SAMD12: variants seen among roughly 807,000 people sequenced by gnomAD.
SAMD12 encodes sterile alpha motif domain containing 12, also known as sterile alpha motif domain-containing protein 12.
In SAMD12, 9 loss-of-function variants were observed where a neutral mutation model predicts 15.0. The observed-to-expected ratio is 0.60, with a 90% confidence interval of 0.36 to 1.05. The LOEUF (loss-of-function observed/expected upper bound fraction) is 1.05. SAMD12 is among the 50% of genes least tolerant of loss of function. The pLI, the probability that SAMD12 is intolerant of heterozygous loss-of-function variation, is 0.01. For missense variants in SAMD12, 230 were observed against 234.2 expected (o/e 0.98, Z 0.12); for synonymous variants, 86 against 90.1 (o/e 0.96, Z 0.25).
chr8:118,255,358 TTTA>T (rs1812911434), intron 4 of SAMD12, among the ~76,000 whole-genome samples: 1 of 151,840 alleles, frequency 6.6e-6, no homozygotes, highest in African/African-American at 2.4e-5. Context: ...TTTATTTTAT[TTTA>T]TTATTATTAT....
chr8:118,192,170 T>G (rs1367096849), exon 5 of SAMD12: 1 of 151,872 alleles, frequency 6.6e-6, no homozygotes, highest in East Asian at 1.9e-4. Context: ...AAGAGTCTCC[T>G]GTTTTGCATT....
intron 2 of SAMD12, among the ~76,000 whole-genome samples, chr8:118,565,001 A>G (rs1321773291): frequency 1.3e-5 from 2 of 152,204 alleles, no homozygotes; most frequent in Non-Finnish European, 2.9e-5. Context: ...CTCACAGGCC[A>G]CTATCTAGAA....
chr8:118,490,044 C>T (rs1277059276), intron 2 of SAMD12, among the ~76,000 whole-genome samples: 5 of 152,082 alleles, frequency 3.3e-5, no homozygotes, highest in Admixed American at 2.6e-4. Flanking sequence ...TAGAAAAAGG[C>T]AGATAGGAAA....
the SAMD12 span, among the ~76,000 whole-genome samples, chr8:118,176,005 G>T: frequency 4.1e-4 from 63 of 152,142 alleles, 1 homozygote; most frequent in African/African-American, 1.5e-3. Context: ...ATACCCAACA[G>T]AATAGAAATT....
rs61582968 is a variant in SAMD12, at chr8:118,253,830, A to T, written c.434-56098T>A. 6.5e-3 allele frequency among the ~76,000 whole-genome samples: 994 copies of T among 152,284 alleles called. 13 individuals are homozygous for T. Among genetic ancestry groups the T allele is most frequent in the African/African-American group, 0.023 (938 of 41,564 alleles). ...ATTTCTGCGAAATCAAAACCCACTT[A>T]TTCTTAATTCCAACATATTTACTGA... On this transcript the variant is annotated intron_variant, in intron 4 of 4. Coordinates refer to the SAMD12 transcript ENST00000409003.
At chr8:118,278,997 G>C (rs1326039634) in intron 4 of SAMD12, among the ~76,000 whole-genome samples, 1 of 152,088 alleles carries the variant, frequency 6.6e-6, no homozygotes, top group Non-Finnish European at 1.5e-5. Context: ...TTTCCCAATG[G>C]GCTTCCCTAG....
chr8:118,244,765 T>G (rs551560058), intron 4 of SAMD12, among the ~76,000 whole-genome samples: 53 of 152,236 alleles, frequency 3.5e-4, no homozygotes, highest in Non-Finnish European at 7.4e-4. Context: ...AAGAGGAATT[T>G]TGTTTTGTGC....
intron 2 of SAMD12, among the ~76,000 whole-genome samples, chr8:118,453,074 A>G (rs141244999): frequency 1.3e-3 from 196 of 152,320 alleles, no homozygotes; most frequent in Admixed American, 2.5e-3. Flanking sequence ...ATTTAAATCT[A>G]TATGATTTTC....
intron 1 of SAMD12, among the ~76,000 whole-genome samples, chr8:118,616,913 G>T (rs1400039352): frequency 6.6e-6 from 1 of 152,208 alleles, no homozygotes; most frequent in Non-Finnish European, 1.5e-5. Context: ...GATCTAGGTT[G>T]CACATGCCTT....
chr8:118,510,223 CACACAT>C (rs1380206576), intron 2 of SAMD12, among the ~76,000 whole-genome samples: 3 of 152,174 alleles, frequency 2.0e-5, no homozygotes, highest in South Asian at 4.2e-4. Flanking sequence ...ACCACACACA[CACACAT>C]ACACACAAAC....
At chr8:118,433,275 T>C (rs1822468624) in intron 3 of SAMD12, among the ~76,000 whole-genome samples, 1 of 152,168 alleles carries the variant, frequency 6.6e-6, no homozygotes, top group South Asian at 2.1e-4. Flanking sequence ...GATGATCCAT[T>C]TAGAGAGGAA....
chr8:118,180,582 T>C, the SAMD12 span, among the ~76,000 whole-genome samples: 3 of 152,046 alleles, frequency 2.0e-5, no homozygotes, highest in Non-Finnish European at 4.4e-5. Flanking sequence ...ATTTATTTAT[T>C]TATTTGCTGA....
chr8:118,596,223 C>T (rs1177231268), intron 1 of SAMD12, among the ~76,000 whole-genome samples: 1 of 152,206 alleles, frequency 6.6e-6, no homozygotes, highest in Non-Finnish European at 1.5e-5. Context: ...TACATGTGTC[C>T]TTGTTCGCTG....
At chr8:118,232,375 A>G (rs1176485795) in intron 4 of SAMD12, among the ~76,000 whole-genome samples, 2 of 152,154 alleles carry the variant, frequency 1.3e-5, no homozygotes, top group Non-Finnish European at 2.9e-5. Flanking sequence ...TATTCCCATT[A>G]GAGGATCAGC....
intron 2 of SAMD12, among the ~76,000 whole-genome samples, chr8:118,511,243 A>C (rs1305735333): frequency 6.6e-6 from 1 of 152,222 alleles, no homozygotes; most frequent in Admixed American, 6.5e-5. Context: ...AATGATGGGA[A>C]TGGGAAGGGG....
At chr8:118,374,680 G>T (rs1348895650), downstream of SAMD12, among the ~76,000 whole-genome samples, 1 of 151,990 alleles carries the variant, frequency 6.6e-6, no homozygotes, top group Non-Finnish European at 1.5e-5. Context: ...CATTCTAATG[G>T]GTGTGAGATG....
At position 118,316,440 on chromosome 8, in the gene SAMD12, G is replaced by A. The variant is rs149432708; in HGVS notation, c.433+63120C>T. On this transcript the variant is annotated intron_variant, in intron 4 of 4. Coordinates refer to the SAMD12 transcript ENST00000409003. ...AGTCCCAGCTACTTGGGAGGCTGAG[G>A]CAGGGGAATTGCTTGAGTCCAGGAG... 5.6e-3 allele frequency among the ~76,000 whole-genome samples: 847 copies of A among 152,086 alleles called. 6 individuals carry two copies. Among genetic ancestry groups the A allele is most frequent in the African/African-American group, 0.02 (808 of 41,424 alleles).
intron 3 of SAMD12, among the ~76,000 whole-genome samples, chr8:118,411,745 A>G (rs1821417541): frequency 6.6e-6 from 1 of 152,196 alleles, no homozygotes; most frequent in Admixed American, 6.5e-5. Flanking sequence ...TAAAAGGGTT[A>G]GATACAGTAT....
intron 2 of SAMD12, among the ~76,000 whole-genome samples, chr8:118,547,405 G>A (rs1826162865): frequency 6.6e-6 from 1 of 152,006 alleles, no homozygotes; most frequent in Admixed American, 6.6e-5. Flanking sequence ...CTGGTCCCTA[G>A]AACATACTTC....
Sources: allele counts gnomAD v4.1 joint callset (sites outside exome capture counted in the v4.1 genomes callset), GRCh38; gene constraint gnomAD v4.1.1; transcripts MANE v1.5; gene names NCBI Gene and HGNC (gene_info 2026-07-23, HGNC 2026-07-21).